IFI16: variants seen among roughly 807,000 people sequenced by gnomAD.
IFI16 encodes the protein gamma-interferon-inducible protein 16.
Under a neutral mutation model 68.4 loss-of-function variants are expected in IFI16, and 49 were observed. The ratio of observed to expected loss-of-function variants is 0.72; its 90% confidence interval spans 0.57 to 0.91. The LOEUF (loss-of-function observed/expected upper bound fraction) is 0.91, where lower values mean the gene tolerates loss of function less well. Ranked by LOEUF, IFI16 falls within the 40% of genes least tolerant of loss-of-function variation. The pLI is 0.00. For synonymous variants in IFI16, 307 were observed against 315.0 expected, an observed-to-expected ratio of 0.97 and a Z score of 0.27; for missense variants, 878 against 942.9, an observed-to-expected ratio of 0.93 and a Z score of 0.90.
chr1:159,017,474 TA>T (rs1466572686), intron 4 of IFI16, among the ~76,000 whole-genome samples: 7 of 151,984 alleles, frequency 4.6e-5, no homozygotes, highest in African/African-American at 1.2e-4. Context: ...TTTTTATTTT[TA>T]TTTTTTTTTA....
intron 6 of IFI16, among the ~76,000 whole-genome samples, chr1:159,025,029 A>T (rs760876168): frequency 2.0e-5 from 3 of 152,156 alleles, no homozygotes; most frequent in Non-Finnish European, 2.9e-5. Context: ...TTTAATAAGA[A>T]CATGGTTTTC....
intron 6 of IFI16, among the ~76,000 whole-genome samples, chr1:159,023,701 A>G (rs184711995): frequency 8.5e-5 from 13 of 152,140 alleles, no homozygotes; most frequent in African/African-American, 2.2e-4. Context: ...TACTGCTCCA[A>G]TTATTTGGCA....
intron 8 of IFI16, 91 bp from the exon 9 acceptor site, chr1:159,049,341 T>C: frequency 1.5e-6 from 1 of 667,002 alleles, no homozygotes; most frequent in South Asian, 2.0e-5. Context: ...GTGAACATCC[T>C]ATTTAAAAAA....
At chr1:159,043,083 C>T (rs570423107) in intron 7 of IFI16, among the ~76,000 whole-genome samples, 3 of 152,296 alleles carry the variant, frequency 2.0e-5, no homozygotes, top group South Asian at 4.1e-4. Context: ...AGGCTTTCTA[C>T]ATGTGGGTTT....
rs767197348 is a variant in IFI16 at position 159,016,587 on chromosome 1, G to A, written c.436G>A (p.Glu146Lys). 4.3e-6 allele frequency: 7 copies of A among 1,613,958 alleles called. No individual in the cohort carries two copies. Among genetic ancestry groups the A allele is most frequent in the South Asian group, 2.2e-5 (2 of 91,082 alleles). ...KAGPKGSKVS[E>K]EQTQPPSPAG... ...TGGACCCAAAGGGAGTAAGGTGTCC[G>A]AGGAACAGACTCAGCCTCCCTCTCC... is the stretch of plus-strand genomic sequence containing the variant. Residue 146 changes from glutamate to lysine, a missense_variant, in exon 4 of 12, where the codon GAG becomes AAG. This residue lies in a region of IFI16 where 443 missense variants were observed against 421.8 expected (regional missense o/e 1.05). Transcript: ENST00000295809.
intron 3 of IFI16, 124 bp from the exon 4 acceptor site, chr1:159,016,409 G>T: frequency 1.2e-6 from 1 of 831,098 alleles, no homozygotes. Context: ...GAGATGGGCA[G>T]CAACCTCTCA....
chr1:159,008,648 T>A (rs1036435645), upstream of IFI16, among the ~76,000 whole-genome samples: 1 of 152,208 alleles, frequency 6.6e-6, no homozygotes, highest in African/African-American at 2.4e-5. Flanking sequence ...CTTCTCTACC[T>A]ACTGCCTTAA....
At chr1:159,045,680 C>T (rs919513380) in intron 8 of IFI16, among the ~76,000 whole-genome samples, 10 of 151,140 alleles carry the variant, frequency 6.6e-5, no homozygotes, top group African/African-American at 2.4e-4. Context: ...AATTAGATAT[C>T]TTTTTAATTT....
At chr1:159,028,728 G>A (rs1168768114) in intron 6 of IFI16, among the ~76,000 whole-genome samples, 1 of 149,988 alleles carries the variant, frequency 6.7e-6, no homozygotes, top group Non-Finnish European at 1.5e-5. Context: ...TTTCCTATTG[G>A]ACTAGTTCTT....
chr1:159,006,042 G>GT (rs2101778607), upstream of IFI16: 1 of 152,474 alleles, frequency 6.6e-6, no homozygotes, highest in African/African-American at 2.4e-5. Context: ...TGCCTCCTGT[G>GT]TAAGTTTCTG....
chr1:159,021,972 T>A (rs1235135843), intron 6 of IFI16, among the ~76,000 whole-genome samples: 2 of 29,790 alleles, frequency 6.7e-5, no homozygotes, highest in Non-Finnish European at 1.7e-4. Flanking sequence ...TTTTTTTTTT[T>A]TTTTTTTTTG....
rs529629823 is a variant in IFI16, at chr1:159,020,201, A to G, written c.973-140A>G. The stretch of plus-strand genomic sequence containing the variant: ...TATTGAGGGACGGCTTTCTGCAAAG[A>G]TGTGGCCTAAGATATGTGCATATCT... On this transcript the variant is annotated intron_variant, in intron 5 of 11. Coordinates refer to ENST00000295809, the MANE Select transcript of IFI16 (RefSeq NM_001376587.1). 921 of 585,368 alleles carry G rather than the reference A, an allele frequency of 1.6e-3. 6 individuals carry two copies. Among genetic ancestry groups the G allele is most frequent in the Middle Eastern group, 4.0e-3 (10 of 2,502 alleles). The allele number at this position is 585,368 out of a possible 1,614,324, so 36.3% of individuals were successfully genotyped here. A position where few individuals can be genotyped will look rare whatever the true frequency, so the allele number is the denominator to read the frequency against.
intron 9 of IFI16, among the ~76,000 whole-genome samples, chr1:159,050,316 CATA>C (rs978096908): frequency 3.4e-4 from 52 of 152,296 alleles, no homozygotes; most frequent in African/African-American, 1.2e-3. Flanking sequence ...TTACAACGAA[CATA>C]ATAAGATCAC....
chr1:159,030,878 G>GGT (rs1653958601), intron 6 of IFI16, among the ~76,000 whole-genome samples: 2 of 146,732 alleles, frequency 1.4e-5, no homozygotes, highest in Non-Finnish European at 3.0e-5. Context: ...GTGGTGGGTG[G>GGT]GGGGGCCACA....
At chr1:159,031,486 G>A (rs559524247) in intron 6 of IFI16, among the ~76,000 whole-genome samples, 145 of 152,304 alleles carry the variant, frequency 9.5e-4, no homozygotes, top group Non-Finnish European at 1.8e-3. Flanking sequence ...GCTTCCCTGG[G>A]GACTGAGAGA....
At position 159,053,592 on chromosome 1, in the gene IFI16, A is replaced by C; in HGVS notation, c.2145A>C (p.Glu715Asp). 6.2e-7 allele frequency: 1 copy of C among 1,613,602 alleles called. No individual in the cohort carries two copies. The highest frequency in any genetic ancestry group is 8.5e-7 in the Non-Finnish European group (1 of 1,179,506). ...TACAAGATAATACAGGGAAGATGGA[A>C]GTGGTGGTGCATGGACGACTGACCA... ...YEIQDNTGKM[E>D]VVVHGRLTTI... The change falls in exon 11 of 12, where the codon GAA (glutamate) becomes GAC (aspartate). Residue 715 changes from glutamate to aspartate, a missense_variant. By Grantham distance (45) the Glu-to-Asp change is conservative (BLOSUM62 2). Transcript: ENST00000295809.
chr1:159,018,333 T>A lies in IFI16; in HGVS notation c.654T>A (p.Tyr218Ter). ...TGAGTACAACAAAGCCATTTGAATA[T>A]GAGACCCCAGAAATGGAGAAAAAAA... Reference protein sequence around the residue: ...KVLSTTKPFEYETPEMEKKIM... With the variant: ...KVLSTTKPFE Residue 218 changes from tyrosine (Y) to a stop codon, truncating the protein, a stop_gained, in exon 5 of 12, where the codon TAT becomes TAA. Coordinates refer to ENST00000295809, the MANE Select transcript of IFI16 (RefSeq NM_001376587.1). LOFTEE classifies it high-confidence loss of function. 6.2e-7 allele frequency: 1 copy of A among 1,614,048 alleles called. No individual in the cohort carries two copies. Among genetic ancestry groups the A allele is most frequent in the Non-Finnish European group, 8.5e-7 (1 of 1,179,902 alleles).
In IFI16 at chr1:159,016,565, A is replaced by T. The variant is rs776382075; in HGVS notation, c.414A>T (p.Gly138=). ...AAAAATCAACCAAAGAAAAGGCTGG[A>T]CCCAAAGGGAGTAAGGTGTCCGAGG... is the stretch of plus-strand genomic sequence containing the variant. The part of the protein sequence containing the change: ...KRKKSTKEKA[G]PKGSKVSEEQ... The change falls in exon 4 of 12, where the codon GGA becomes GGT. Residue 138 remains glycine, a synonymous_variant. Transcript: ENST00000295809. 2 of 1,611,814 alleles carry T rather than the reference A, an allele frequency of 1.2e-6. No individual in the cohort carries two copies. The highest frequency in any genetic ancestry group is 1.7e-6 in the Non-Finnish European group (2 of 1,179,454).
At position 159,016,633 on chromosome 1, in the gene IFI16, C is replaced by T. The variant is rs759280787; in HGVS notation, c.482C>T (p.Thr161Ile). The change falls in exon 4 of 12, where the codon ACA becomes ATA. Residue 161 changes from threonine (T) to isoleucine (I), a missense_variant. By Grantham distance (89) the Thr-to-Ile change is moderately conservative. Around this residue, in one of 4 missense-constraint regions of IFI16, gnomAD observed 443 missense variants for 421.8 expected, o/e 1.05. Coordinates refer to ENST00000295809, the MANE Select transcript of IFI16 (RefSeq NM_001376587.1). ...TCTCCTGCAGGAGCCGGCATGTCCA[C>T]AGCCATGGGCCGTTCCCCATCTCCC... ...PPSPAGAGMS[T>I]AMGRSPSPKT... is the part of the protein sequence containing the mutation. 11 of 1,614,164 alleles carry T rather than the reference C, an allele frequency of 6.8e-6. No individual in the cohort carries two copies. In the South Asian group the frequency reaches 1.2e-4, roughly 18 times the overall value.
Sources: allele counts gnomAD v4.1 joint callset (sites outside exome capture counted in the v4.1 genomes callset), GRCh38; gene constraint gnomAD v4.1.1; regional missense constraint gnomAD v4.1.1; transcripts MANE v1.5; gene names NCBI Gene and HGNC (gene_info 2026-07-23, HGNC 2026-07-21).